Variants in SGCD observed in about 807,000 individuals in gnomAD.
SGCD encodes the protein sarcoglycan delta, also known as delta-sarcoglycan.
A neutral mutation model predicts 36.6 loss-of-function variants in SGCD; 18 were observed. The observed-to-expected ratio is 0.49, with a 90% confidence interval of 0.34 to 0.73. SGCD has a LOEUF of 0.73. Among genes scored for constraint, SGCD ranks in the 30% least tolerant of loss-of-function variants. The pLI, the probability that SGCD is intolerant of heterozygous loss-of-function variation, is 0.01. For synonymous variants in SGCD, 133 were observed against 130.6 expected, an observed-to-expected ratio of 1.02 and a Z score of -0.12; for missense variants, 387 against 346.7, an observed-to-expected ratio of 1.12 and a Z score of -0.92.
intron 6 of SGCD, among the ~76,000 whole-genome samples, chr5:156,635,844 A>G (rs897915706): frequency 1.5e-5 from 2 of 129,212 alleles, no homozygotes; most frequent in East Asian, 2.7e-4. Context: ...ATGAGAACAC[A>G]TGGACATAGG....
At chr5:155,922,953 G>T (rs192264160) in intron 1 of SGCD, among the ~76,000 whole-genome samples, 2 of 152,250 alleles carry the variant, frequency 1.3e-5, no homozygotes, top group Admixed American at 1.3e-4. Flanking sequence ...AGTGGGGAAG[G>T]GATCGATTTC....
intron 3 of SGCD, among the ~76,000 whole-genome samples, chr5:156,236,981 G>A (rs1765181928): frequency 6.6e-6 from 1 of 151,712 alleles, no homozygotes. Context: ...TTACAGGCAG[G>A]CACCACCATG....
At chr5:155,871,815 C>T (rs1755662571) in intron 1 of SGCD, among the ~76,000 whole-genome samples, 1 of 152,124 alleles carries the variant, frequency 6.6e-6, no homozygotes. Flanking sequence ...GTGAAGCTGA[C>T]AAGAGTTAGG....
intron 1 of SGCD, among the ~76,000 whole-genome samples, chr5:155,961,940 C>G (rs570078738): frequency 6.6e-6 from 1 of 152,160 alleles, no homozygotes; most frequent in Non-Finnish European, 1.5e-5. Context: ...GGGGATTAAG[C>G]AAATAATTAC....
At chr5:156,048,612 A>G (rs561013805) in intron 1 of SGCD, among the ~76,000 whole-genome samples, 98 of 152,326 alleles carry the variant, frequency 6.4e-4, no homozygotes, top group African/African-American at 2.3e-3. Flanking sequence ...TTTTGGCTGC[A>G]TAAATGTCTT....
intron 1 of SGCD, among the ~76,000 whole-genome samples, chr5:156,074,977 C>T (rs2127589683): frequency 6.6e-6 from 1 of 152,220 alleles, no homozygotes; most frequent in East Asian, 1.9e-4. Flanking sequence ...GACAAACTGT[C>T]TTTTAAAGAA....
intron 1 of SGCD, among the ~76,000 whole-genome samples, chr5:156,017,059 A>G (rs1257716799): frequency 6.6e-6 from 1 of 152,176 alleles, no homozygotes. Context: ...CCTCACCAAT[A>G]AAGTAAATCA....
At chr5:156,287,832 G>C (rs573507191) in intron 3 of SGCD, among the ~76,000 whole-genome samples, 6 of 152,008 alleles carry the variant, frequency 3.9e-5, no homozygotes, top group Non-Finnish European at 8.8e-5. Flanking sequence ...CCAGAAATTT[G>C]AGCCTGCAGT....
chr5:155,855,106 C>T, the SGCD span, among the ~76,000 whole-genome samples: 7 of 152,102 alleles, frequency 4.6e-5, no homozygotes, highest in East Asian at 9.6e-4. Context: ...CACTCTGGAC[C>T]GACCTTTAAC....
At chr5:155,789,734 T>C in the SGCD span, among the ~76,000 whole-genome samples, 2 of 152,128 alleles carry the variant, frequency 1.3e-5, no homozygotes, top group African/African-American at 4.8e-5. Flanking sequence ...AACACCTTCT[T>C]ATTTGGTCCT....
intron 7 of SGCD, among the ~76,000 whole-genome samples, chr5:156,706,522 C>T (rs1298423270): frequency 6.6e-6 from 1 of 152,068 alleles, no homozygotes; most frequent in East Asian, 1.9e-4. Flanking sequence ...AAACATTTTG[C>T]TCCTTCCTGT....
intron 3 of SGCD, among the ~76,000 whole-genome samples, chr5:156,409,777 T>C (rs893288071): frequency 6.6e-6 from 1 of 152,228 alleles, no homozygotes; most frequent in Admixed American, 6.5e-5. Context: ...GCTAAACAGC[T>C]GACACATGGT....
At chr5:155,802,285 G>C in the SGCD span, among the ~76,000 whole-genome samples, 1 of 152,206 alleles carries the variant, frequency 6.6e-6, no homozygotes, top group African/African-American at 2.4e-5. Context: ...AGATTAGAGA[G>C]AGCAACATAG....
chr5:156,170,710 A>T (rs1763322878), intron 3 of SGCD, among the ~76,000 whole-genome samples: 1 of 152,164 alleles, frequency 6.6e-6, no homozygotes, highest in African/African-American at 2.4e-5. Context: ...AGGTCAGGAA[A>T]CATCTATCAT....
intron 5 of SGCD, among the ~76,000 whole-genome samples, chr5:156,589,809 TG>T (rs1469593190): frequency 6.6e-6 from 1 of 152,246 alleles, no homozygotes; most frequent in African/African-American, 2.4e-5. Flanking sequence ...TTGCAGGATG[TG>T]GATGTATCTT....
chr5:156,120,780 GA>G (rs1384469099), intron 2 of SGCD, among the ~76,000 whole-genome samples: 3 of 152,198 alleles, frequency 2.0e-5, no homozygotes, highest in African/African-American at 7.2e-5. Context: ...GATGCATTTG[GA>G]TAGACTTGAG....
At chr5:156,053,032 A>G (rs1759963317) in intron 1 of SGCD, among the ~76,000 whole-genome samples, 1 of 146,060 alleles carries the variant, frequency 6.8e-6, no homozygotes, top group Admixed American at 6.8e-5. Context: ...CAAACAGGCA[A>G]CCCCCAAGGT....
chr5:156,144,086 C>T (rs1417300331), intron 3 of SGCD, among the ~76,000 whole-genome samples: 2 of 151,972 alleles, frequency 1.3e-5, no homozygotes, highest in Non-Finnish European at 2.9e-5. Flanking sequence ...TTTATGGCTG[C>T]ATGGTATTCC....
At chr5:155,807,325 G>A in the SGCD span, among the ~76,000 whole-genome samples, 4 of 152,190 alleles carry the variant, frequency 2.6e-5, no homozygotes, top group South Asian at 8.3e-4. Context: ...CCTTTGGTTG[G>A]TTTTTCCTTC....
Sources: gnomAD v4.1 joint callset for allele counts (sites outside exome capture counted in the v4.1 genomes callset) on GRCh38, gnomAD v4.1.1 for gene constraint, MANE v1.5 for transcripts, NCBI Gene and HGNC (gene_info 2026-07-23, HGNC 2026-07-21) for gene names.